CRIM1: variants seen among roughly 807,000 people sequenced by gnomAD.
CRIM1 encodes cysteine rich transmembrane BMP regulator 1, also known as cysteine-rich motor neuron 1 protein.
CRIM1 carries 32 observed loss-of-function variants against 116.4 expected under a neutral mutation model. The observed-to-expected ratio is 0.27, with a 90% confidence interval of 0.21 to 0.37. The LOEUF (loss-of-function observed/expected upper bound fraction) is 0.37, where lower values mean the gene tolerates loss of function less well. CRIM1 is among the 10% of genes least tolerant of loss of function. The pLI, the probability that CRIM1 is intolerant of heterozygous loss-of-function variation, is 1.00. For missense variants in CRIM1, 1,331 were observed against 1,354.8 expected, an observed-to-expected ratio of 0.98 and a Z score of 0.28; for synonymous variants, 590 against 509.2, an observed-to-expected ratio of 1.16 and a Z score of -2.13.
intron 5 of CRIM1, among the ~76,000 whole-genome samples, chr2:36,470,826 C>T (rs1572812384): frequency 6.6e-6 from 1 of 152,172 alleles, no homozygotes; most frequent in African/African-American, 2.4e-5. Flanking sequence ...TGTAGATAGT[C>T]ATTCCTCTGA....
intron 1 of CRIM1, among the ~76,000 whole-genome samples, chr2:36,387,104 A>G (rs1671224453): frequency 6.6e-6 from 1 of 151,944 alleles, no homozygotes; most frequent in African/African-American, 2.4e-5. Context: ...TTGCTTTGCA[A>G]CTCCATATCC....
At chr2:36,380,187 C>T (rs1558517870) in intron 1 of CRIM1, among the ~76,000 whole-genome samples, 1 of 152,218 alleles carries the variant, frequency 6.6e-6, no homozygotes, top group African/African-American at 2.4e-5. Context: ...GAGTGCCAGG[C>T]CAGCTCTGCA....
intron 12 of CRIM1, among the ~76,000 whole-genome samples, chr2:36,521,132 C>A (rs754662967): frequency 6.6e-6 from 1 of 152,134 alleles, no homozygotes; most frequent in African/African-American, 2.4e-5. Flanking sequence ...CTTGAAGTTA[C>A]AATTTTCATT....
At chr2:36,390,561 T>C (rs1671497984) in intron 1 of CRIM1, among the ~76,000 whole-genome samples, 1 of 152,128 alleles carries the variant, frequency 6.6e-6, no homozygotes, top group Non-Finnish European at 1.5e-5. Context: ...TCTTCATCAT[T>C]GTTTTTATGG....
chr2:36,467,332 AT>A (rs1305011325), intron 5 of CRIM1, among the ~76,000 whole-genome samples: 1 of 152,174 alleles, frequency 6.6e-6, no homozygotes, highest in Non-Finnish European at 1.5e-5. Context: ...TGTTAAGAAC[AT>A]TGTCTCAAAG....
chr2:36,375,536 A>C (rs1483793632), intron 1 of CRIM1, among the ~76,000 whole-genome samples: 1 of 152,238 alleles, frequency 6.6e-6, no homozygotes, highest in Non-Finnish European at 1.5e-5. Flanking sequence ...TAGCAAAAGG[A>C]AGACAAACAT....
In CRIM1 at chr2:36,391,112, C is replaced by G. The variant is rs1466950233; in HGVS notation, c.332-5502C>G. Among the ~76,000 whole-genome samples, 6 of 131,146 alleles carry G rather than the reference C, an allele frequency of 4.6e-5. No individual in the cohort carries two copies. In the South Asian group the frequency reaches 1.5e-3, roughly 34 times the overall value. The allele number at this position is 131,146 out of a possible 152,430, so 86.0% of individuals were successfully genotyped here. On this transcript the variant is annotated intron_variant, in intron 1 of 16. Coordinates refer to ENST00000280527, the MANE Select transcript of CRIM1 (RefSeq NM_016441.3). ...GGTGTGAGCCATTGCGCCTGGCCAACTTTTGATTTTTTTTTTTTTTTTTTT... is the reference window on the plus strand; with the variant it reads ...GGTGTGAGCCATTGCGCCTGGCCAAGTTTTGATTTTTTTTTTTTTTTTTTT...
intron 4 of CRIM1, among the ~76,000 whole-genome samples, chr2:36,447,683 C>G (rs560673249): frequency 6.6e-6 from 1 of 152,148 alleles, no homozygotes; most frequent in African/African-American, 2.4e-5. Flanking sequence ...AGTCCCAGGT[C>G]AAGCCCTCAT....
intron 8 of CRIM1, 49 bp from the exon 9 acceptor site, chr2:36,509,934 C>T: frequency 6.4e-7 from 1 of 1,573,458 alleles, no homozygotes; most frequent in Non-Finnish European, 8.7e-7. Context: ...TCGAAGTGTT[C>T]TGCTCTGTTC....
intron 15 of CRIM1, among the ~76,000 whole-genome samples, chr2:36,545,179 A>G (rs1030561277): frequency 3.3e-5 from 5 of 152,162 alleles, no homozygotes; most frequent in African/African-American, 9.7e-5. Context: ...AATCATTGCT[A>G]TATAACTTAT....
At chr2:36,485,809 A>T (rs1274498478) in intron 7 of CRIM1, among the ~76,000 whole-genome samples, 5 of 152,212 alleles carry the variant, frequency 3.3e-5, no homozygotes, top group Non-Finnish European at 7.3e-5. Context: ...ATACGATGCT[A>T]TTATTAGTAA....
chr2:36,429,944 G>C (rs1674752555), intron 2 of CRIM1, among the ~76,000 whole-genome samples: 1 of 152,140 alleles, frequency 6.6e-6, no homozygotes, highest in Non-Finnish European at 1.5e-5. Context: ...CCAGGTGAGG[G>C]AGCATTCCCT....
intron 15 of CRIM1, 28 bp downstream of exon 15, chr2:36,544,526 C>T (rs1667177080): frequency 7.6e-7 from 1 of 1,319,686 alleles, no homozygotes; most frequent in Non-Finnish European, 9.8e-7. Flanking sequence ...CTGAGATCTG[C>T]TAGTTTTCTA....
chr2:36,388,834 A>T (rs968053203), intron 1 of CRIM1, among the ~76,000 whole-genome samples: 1 of 152,222 alleles, frequency 6.6e-6, no homozygotes, highest in South Asian at 2.1e-4. Flanking sequence ...GTATGATGAA[A>T]AGTACAGCAA....
At chr2:36,391,728 A>G (rs1671620402) in intron 1 of CRIM1, among the ~76,000 whole-genome samples, 1 of 152,106 alleles carries the variant, frequency 6.6e-6, no homozygotes, top group African/African-American at 2.4e-5. Context: ...AATCAGGTCA[A>G]AACTAATTCC....
At chr2:36,533,843 C>T (rs1178424674) in intron 13 of CRIM1, among the ~76,000 whole-genome samples, 1 of 152,074 alleles carries the variant, frequency 6.6e-6, no homozygotes, top group Admixed American at 6.6e-5. Context: ...CACCACACAT[C>T]ATAGCCAGGT....
intron 6 of CRIM1, among the ~76,000 whole-genome samples, chr2:36,478,234 A>C (rs1292469636): frequency 6.6e-6 from 1 of 152,252 alleles, no homozygotes; most frequent in Non-Finnish European, 1.5e-5. Flanking sequence ...ATTTTACCCA[A>C]CATAGGAGAA....
At chr2:36,468,638 A>G (rs1184656228) in intron 5 of CRIM1, among the ~76,000 whole-genome samples, 1 of 152,224 alleles carries the variant, frequency 6.6e-6, no homozygotes, top group Non-Finnish European at 1.5e-5. Context: ...CACCTTCGTC[A>G]AGAACCCACT....
At chr2:36,409,485 T>A (rs987678935) in intron 2 of CRIM1, among the ~76,000 whole-genome samples, 1 of 152,172 alleles carries the variant, frequency 6.6e-6, no homozygotes, top group African/African-American at 2.4e-5. Flanking sequence ...CCTGCTCACT[T>A]GGGGAGGATT....
Sources: gnomAD v4.1 joint callset for allele counts (sites outside exome capture counted in the v4.1 genomes callset) on GRCh38, gnomAD v4.1.1 for gene constraint, MANE v1.5 for transcripts, NCBI Gene and HGNC (gene_info 2026-07-23, HGNC 2026-07-21) for gene names.